DHRSX: variants seen among roughly 807,000 people sequenced by gnomAD.
DHRSX encodes dehydrogenase/reductase X-linked.
DHRSX carries 31 observed loss-of-function variants against 34.0 expected under a neutral mutation model. That is an observed-to-expected ratio of 0.91 (90% CI 0.69 to 1.23). DHRSX has a LOEUF of 1.23. Ranked by LOEUF, DHRSX falls within the 50% of genes most tolerant of loss-of-function variation. The pLI is 0.00. For missense variants in DHRSX, 414 were observed against 428.1 expected, an observed-to-expected ratio of 0.97 and a Z score of 0.29; for synonymous variants, 201 against 183.8, an observed-to-expected ratio of 1.09 and a Z score of -0.76.
At chrX:2,276,316 T>C (rs1249450464) in intron 4 of DHRSX, among the ~76,000 whole-genome samples, 3 of 152,196 alleles carry the variant, frequency 2.0e-5, no homozygotes, top group African/African-American at 7.2e-5. Flanking sequence ...CACGTCAGTG[T>C]ATCGGGTGCC....
intron 1 of DHRSX, among the ~76,000 whole-genome samples, chrX:2,451,074 T>C (rs2044210213): frequency 6.6e-6 from 1 of 151,988 alleles, no homozygotes; most frequent in Admixed American, 6.6e-5. Flanking sequence ...CAAATGTCTG[T>C]AGTTTATAAA....
At chrX:2,438,810 T>C (rs765375693) in intron 1 of DHRSX, among the ~76,000 whole-genome samples, 6 of 151,860 alleles carry the variant, frequency 4.0e-5, no homozygotes, top group South Asian at 2.1e-4. Context: ...TACATATATA[T>C]GCATTCGTCT....
intron 3 of DHRSX, among the ~76,000 whole-genome samples, chrX:2,345,836 C>G (rs2042701850): frequency 6.6e-6 from 1 of 152,094 alleles, no homozygotes; most frequent in Non-Finnish European, 1.5e-5. Context: ...ATCATCAGCT[C>G]CTCCCTGGGT....
chrX:2,226,030 G>A (rs1336592510), intron 6 of DHRSX, among the ~76,000 whole-genome samples: 4 of 152,034 alleles, frequency 2.6e-5, no homozygotes, highest in East Asian at 3.9e-4. Flanking sequence ...GGAGGAGCCC[G>A]CCCAGCCCAC....
intron 3 of DHRSX, among the ~76,000 whole-genome samples, chrX:2,359,292 C>G (rs192052561): frequency 0.01 from 1,546 of 152,296 alleles, 51 homozygotes; most frequent in East Asian, 0.08. Context: ...CATAAAGACA[C>G]ATGCACGTGT....
intron 2 of DHRSX, among the ~76,000 whole-genome samples, chrX:2,420,509 C>A (rs927762033): frequency 1.3e-5 from 2 of 151,860 alleles, no homozygotes; most frequent in African/African-American, 4.8e-5. Context: ...TTTTGGGAGG[C>A]TGAGGCAGGT....
intron 4 of DHRSX, among the ~76,000 whole-genome samples, chrX:2,276,837 G>GGA (rs766631316): frequency 1.5e-5 from 2 of 135,258 alleles, no homozygotes; most frequent in African/African-American, 2.9e-5. Flanking sequence ...GAGGGAACAG[G>GGA]GAGAGAGAGG....
Position 2,468,799 on chromosome X carries a change from T to G in DHRSX, c.109+32018A>C, listed in dbSNP as rs182602527. On this transcript the variant is annotated intron_variant, in intron 1 of 6. Transcript: ENST00000334651. ...CTGAAGACATTCCCTAAGCATGTGGTCCAAAGGACTGCTGCCATGTACACA... is the reference window on the plus strand; with the variant it reads ...CTGAAGACATTCCCTAAGCATGTGGGCCAAAGGACTGCTGCCATGTACACA... Among the ~76,000 whole-genome samples, 489 of 135,740 alleles carry G rather than the reference T, an allele frequency of 3.6e-3. 3 individuals carry two copies. The highest frequency in any genetic ancestry group is 0.022 in the Middle Eastern group (4 of 184). 89.1% of individuals were successfully genotyped at this position (135,740 alleles called of 152,430 possible). A position where few individuals can be genotyped will look rare whatever the true frequency, so the allele number is the denominator to read the frequency against.
chrX:2,294,754 GAGAGAC>G (rs2041910396), intron 3 of DHRSX, among the ~76,000 whole-genome samples: 1 of 151,052 alleles, frequency 6.6e-6, no homozygotes. Flanking sequence ...AAGACAAAGA[GAGAGAC>G]AGAGAAAGAG....
At chrX:2,227,486 G>T (rs2015699611) in intron 6 of DHRSX, among the ~76,000 whole-genome samples, 1 of 140,262 alleles carries the variant, frequency 7.1e-6, no homozygotes, top group Non-Finnish European at 1.5e-5. Context: ...CAGAGAACAA[G>T]ACAGAAAAGA....
chrX:2,315,507 T>C (rs1026713381), intron 3 of DHRSX, among the ~76,000 whole-genome samples: 4 of 152,158 alleles, frequency 2.6e-5, no homozygotes, highest in Admixed American at 1.3e-4. Flanking sequence ...TGGGTATACA[T>C]AGCAGCATTA....
chrX:2,368,392 T>C (rs2043019056), intron 3 of DHRSX, among the ~76,000 whole-genome samples: 2 of 152,172 alleles, frequency 1.3e-5, no homozygotes, highest in African/African-American at 2.4e-5. Flanking sequence ...TACAACTGGA[T>C]GGTGGGTACA....
chrX:2,338,304 G>C (rs1386256182), intron 3 of DHRSX, among the ~76,000 whole-genome samples: 1 of 151,640 alleles, frequency 6.6e-6, no homozygotes, highest in East Asian at 1.9e-4. Flanking sequence ...TTGCACTCCA[G>C]CCTGTGCAAC....
intron 3 of DHRSX, among the ~76,000 whole-genome samples, chrX:2,346,476 C>T (rs1360929156): frequency 2.6e-5 from 4 of 151,998 alleles, no homozygotes; most frequent in African/African-American, 4.8e-5. Context: ...CCACAAGGCG[C>T]CTTGAAGCTG....
intron 3 of DHRSX, among the ~76,000 whole-genome samples, chrX:2,401,597 T>G (rs888036798): frequency 6.6e-6 from 1 of 152,184 alleles, no homozygotes; most frequent in Admixed American, 6.5e-5. Flanking sequence ...TGGGCCTGCC[T>G]TCAGTGCTTT....
chrX:2,461,965 G>A (rs1389587300), intron 1 of DHRSX, among the ~76,000 whole-genome samples: 2 of 152,164 alleles, frequency 1.3e-5, no homozygotes, highest in Non-Finnish European at 2.9e-5. Context: ...TGGGATCACA[G>A]GCATGAGAGC....
intron 3 of DHRSX, among the ~76,000 whole-genome samples, chrX:2,351,188 G>A (rs780232938): frequency 2.9e-4 from 44 of 152,242 alleles, no homozygotes; most frequent in African/African-American, 9.6e-4. Context: ...CATGGCACAC[G>A]CACACCTATG....
intron 4 of DHRSX, among the ~76,000 whole-genome samples, chrX:2,284,624 TAAATCTATA>T (rs1410842474): frequency 6.6e-6 from 1 of 152,208 alleles, no homozygotes; most frequent in African/African-American, 2.4e-5. Flanking sequence ...CTGACAAGGA[TAAATCTATA>T]AATCCTCTGC....
intron 1 of DHRSX, among the ~76,000 whole-genome samples, chrX:2,454,420 A>G (rs916964220): frequency 2.0e-5 from 3 of 151,798 alleles, no homozygotes; most frequent in Non-Finnish European, 4.4e-5. Flanking sequence ...CCAGCTACTC[A>G]GGAGGCTGAG....
Sources: allele counts gnomAD v4.1 joint callset (sites outside exome capture counted in the v4.1 genomes callset), GRCh38; gene constraint gnomAD v4.1.1; transcripts MANE v1.5; gene names NCBI Gene and HGNC (gene_info 2026-07-23, HGNC 2026-07-21).